GPM6B: variants seen among roughly 807,000 people sequenced by gnomAD.
The protein encoded by GPM6B is glycoprotein M6B, also known as neuronal membrane glycoprotein M6-b.
GPM6B carries 4 observed loss-of-function variants against 27.2 expected under a neutral mutation model. That is an observed-to-expected ratio of 0.15 (90% CI 0.07 to 0.34). The LOEUF (loss-of-function observed/expected upper bound fraction) is 0.34. Among genes scored for constraint, GPM6B ranks in the 10% least tolerant of loss-of-function variants. The pLI is 1.00. For missense variants in GPM6B, 183 were observed against 261.9 expected (o/e 0.70, Z 2.08); for synonymous variants, 124 against 103.1 (o/e 1.20, Z -1.23).
At chrX:13,846,513 T>TG (rs1255664619) in intron 1 of GPM6B, among the ~76,000 whole-genome samples, 11 of 110,853 alleles carry the variant, frequency 9.9e-5, no homozygotes, top group Non-Finnish European at 2.1e-4. Flanking sequence ...TTTTTTGAGA[T>TG]GGAGTCTTGC....
intron 1 of GPM6B, among the ~76,000 whole-genome samples, chrX:13,832,788 C>T (rs2049453206): frequency 9.0e-6 from 1 of 111,726 alleles, no homozygotes; most frequent in Non-Finnish European, 1.9e-5. Context: ...ATTGGGACAA[C>T]TTGAAATAAT....
chrX:13,873,100 A>G (rs2049997084), intron 1 of GPM6B, among the ~76,000 whole-genome samples: 1 of 110,187 alleles, frequency 9.1e-6, no homozygotes, highest in Non-Finnish European at 1.9e-5. Flanking sequence ...TGGGGTCGGG[A>G]AATTTGATGA....
intron 1 of GPM6B, among the ~76,000 whole-genome samples, chrX:13,888,113 C>T (rs931966561): frequency 8.0e-5 from 9 of 112,099 alleles, no homozygotes; most frequent in Non-Finnish European, 1.7e-4. Flanking sequence ...TTCAGTGATT[C>T]GAATAGCATC....
intron 1 of GPM6B, among the ~76,000 whole-genome samples, chrX:13,907,034 T>G (rs1369854043): frequency 8.9e-6 from 1 of 112,530 alleles, no homozygotes; most frequent in African/African-American, 3.2e-5. Context: ...TCTCTATGCT[T>G]TTTCTGTTTC....
chrX:13,786,294 C>T (rs748236912), intron 2 of GPM6B, among the ~76,000 whole-genome samples: 7 of 112,341 alleles, frequency 6.2e-5, no homozygotes, highest in African/African-American at 1.6e-4. Flanking sequence ...TGGCAACCAA[C>T]GGCTTTCCCC....
intron 2 of GPM6B, among the ~76,000 whole-genome samples, chrX:13,797,712 A>C (rs1425024964): frequency 2.7e-5 from 3 of 111,017 alleles, no homozygotes; most frequent in African/African-American, 9.9e-5. Context: ...GCTGGACTGG[A>C]GTGGGTGCAA....
At chrX:13,909,077 T>C (rs929175456) in intron 1 of GPM6B, among the ~76,000 whole-genome samples, 96 of 109,896 alleles carry the variant, frequency 8.7e-4, no homozygotes, top group Non-Finnish European at 7.0e-4. Flanking sequence ...TGCCCTATTG[T>C]TCATAACATA....
At chrX:13,787,774 T>C (rs1602992593) in intron 2 of GPM6B, among the ~76,000 whole-genome samples, 1 of 111,809 alleles carries the variant, frequency 8.9e-6, no homozygotes, top group African/African-American at 3.3e-5. Flanking sequence ...ATCCTTGGCC[T>C]TGACGTATCT....
upstream of GPM6B, among the ~76,000 whole-genome samples, chrX:13,820,371 C>A (rs966898382): frequency 1.8e-3 from 203 of 110,603 alleles, 1 homozygote; most frequent in African/African-American, 6.5e-3. Flanking sequence ...AGGAGATGGT[C>A]ATGCTGGGAA....
At chrX:13,878,862 G>C (rs2050066304) in intron 1 of GPM6B, among the ~76,000 whole-genome samples, 1 of 111,767 alleles carries the variant, frequency 8.9e-6, no homozygotes, top group Non-Finnish European at 1.9e-5. Flanking sequence ...CACAGTTCCT[G>C]GCTTTGAAGA....
intron 1 of GPM6B, among the ~76,000 whole-genome samples, chrX:13,853,807 G>C (rs768083987): frequency 9.0e-6 from 1 of 110,638 alleles, no homozygotes; most frequent in East Asian, 2.8e-4. Flanking sequence ...TAAACATATT[G>C]AAATTCCAGA....
At chrX:13,887,749 G>A (rs192122715) in intron 1 of GPM6B, among the ~76,000 whole-genome samples, 41 of 111,595 alleles carry the variant, frequency 3.7e-4, no homozygotes, top group African/African-American at 1.3e-3. Flanking sequence ...GAATCACCTG[G>A]GTAGAGTTTC....
At chrX:13,842,868 A>G (rs1359843626) in intron 1 of GPM6B, among the ~76,000 whole-genome samples, 1 of 112,254 alleles carries the variant, frequency 8.9e-6, no homozygotes, top group Non-Finnish European at 1.9e-5. Context: ...TATTTACTCA[A>G]CATATTTCTT....
chrX:13,774,220 G>T (rs898792348), intron 7 of GPM6B: 11 of 768,939 alleles, frequency 1.4e-5, no homozygotes, highest in African/African-American at 9.1e-5. Flanking sequence ...AACAGAAAAT[G>T]TAAGTATTCC....
chrX:13,809,149 T>G (rs1419586244), intron 1 of GPM6B, among the ~76,000 whole-genome samples: 1 of 111,813 alleles, frequency 8.9e-6, no homozygotes, highest in Non-Finnish European at 1.9e-5. Context: ...TATTCCATTT[T>G]TACAAGGGAA....
intron 1 of GPM6B, among the ~76,000 whole-genome samples, chrX:13,870,220 T>C (rs1461327205): frequency 8.9e-6 from 1 of 112,097 alleles, no homozygotes; most frequent in East Asian, 2.8e-4. Flanking sequence ...TTGGCTAAGG[T>C]GGCATCTGCC....
chrX:13,783,949 C>T (rs1229358476), intron 3 of GPM6B: 1 of 315,078 alleles, frequency 3.2e-6, no homozygotes. Flanking sequence ...TGCCTCCCAA[C>T]CAGGCCTAGT....
At chrX:13,797,445 G>A (rs906695313) in intron 2 of GPM6B, among the ~76,000 whole-genome samples, 1 of 111,278 alleles carries the variant, frequency 9.0e-6, no homozygotes, top group Non-Finnish European at 1.9e-5. Flanking sequence ...ACAAAGGAAG[G>A]ACAGCAGGAC....
At chrX:13,820,154 C>T (rs758857633), upstream of GPM6B, among the ~76,000 whole-genome samples, 1 of 111,217 alleles carries the variant, frequency 9.0e-6, no homozygotes, top group African/African-American at 3.3e-5. Context: ...CTATTGGTAA[C>T]GTGGAAGACA....
Sources: allele counts gnomAD v4.1 joint callset (sites outside exome capture counted in the v4.1 genomes callset), GRCh38; gene constraint gnomAD v4.1.1; transcripts MANE v1.5; gene names NCBI Gene and HGNC (gene_info 2026-07-23, HGNC 2026-07-21).